The following DAB1 variants were observed in gnomAD, a reference collection of about 807,000 sequenced individuals.
DAB1 encodes the protein DAB adaptor protein 1.
DAB1 carries 15 observed loss-of-function variants against 64.6 expected under a neutral mutation model. The ratio of observed to expected loss-of-function variants is 0.23; its 90% CI spans 0.16 to 0.36. The LOEUF is 0.36. Among genes scored for constraint, DAB1 ranks in the 10% least tolerant of loss-of-function variants. DAB1 has a pLI of 1.00. For missense variants in DAB1, 596 were observed against 706.7 expected (o/e 0.84, Z 1.78); for synonymous variants, 235 against 251.9 (o/e 0.93, Z 0.64).
chr1:57,165,154 A>T (rs155287), intron 2 of DAB1, among the ~76,000 whole-genome samples: 3 of 152,012 alleles, frequency 2.0e-5, no homozygotes, highest in East Asian at 3.9e-4. Context: ...TTCATTCCCC[A>T]ACATGGCTTA....
intron 4 of DAB1, among the ~76,000 whole-genome samples, chr1:58,301,355 T>G (rs938130271): frequency 6.6e-6 from 1 of 152,128 alleles, no homozygotes; most frequent in African/African-American, 2.4e-5. Context: ...TCTGGGAGAA[T>G]CCATGAGACT....
rs189713521 is a variant in DAB1 at position 57,227,750 on chromosome 1, G to T, written c.67+63214C>A. Among the ~76,000 whole-genome samples, 935 of 152,152 alleles carry T rather than the reference G, an allele frequency of 6.1e-3. 4 individuals carry two copies. The highest frequency in any genetic ancestry group is 8.5e-3 in the Non-Finnish European group (577 of 68,014). Reference sequence around the variant, plus strand: ...TTTTGTATTTTTTTGTAGAGATGGGGTTTCACCATGTTGCCAGGCTGATCT... The same window carrying T: ...TTTTGTATTTTTTTGTAGAGATGGGTTTTCACCATGTTGCCAGGCTGATCT... On this transcript the variant is annotated intron_variant, in intron 2 of 14. Transcript: ENST00000371236.
In DAB1 at chr1:57,737,041, C is replaced by T. The variant is rs547620552; in HGVS notation, n.552-87376G>A. On this transcript the variant is annotated intron_variant and non_coding_transcript_variant, in intron 6 of 20. Coordinates refer to the DAB1 transcript ENST00000485760. ...GGAAGGAAATGGGAGGCGGGTTTTCCGAGCCAGGATAGAGCTGCAGCTGCA... is the reference window on the plus strand; with the variant it reads ...GGAAGGAAATGGGAGGCGGGTTTTCTGAGCCAGGATAGAGCTGCAGCTGCA... Among the ~76,000 whole-genome samples, 6 of 152,210 alleles carry T rather than the reference C, an allele frequency of 3.9e-5. No homozygotes were observed. In the East Asian group the frequency reaches 9.7e-4, roughly 25 times the overall value.
At chr1:58,313,238 C>A (rs1662470700) in intron 4 of DAB1, among the ~76,000 whole-genome samples, 1 of 152,144 alleles carries the variant, frequency 6.6e-6, no homozygotes, top group Non-Finnish European at 1.5e-5. Context: ...ACAGATGGCA[C>A]ATTTAATTAG....
In DAB1 at chr1:57,990,225, G is replaced by A. The variant is rs114020945; in HGVS notation, n.388-106063C>T. Among the ~76,000 whole-genome samples, 824 of 152,294 alleles carry A rather than the reference G, an allele frequency of 5.4e-3. 2 individuals are homozygous for A. Among genetic ancestry groups the A allele is most frequent in the African/African-American group, 0.013 (530 of 41,552 alleles). ...AAATAATGATGCTGCTGATGCAACA[G>A]CAGAACTTATTAAACACTTACTACT... On this transcript the variant is annotated intron_variant and non_coding_transcript_variant, in intron 5 of 20. Transcript: ENST00000485760.
intron 4 of DAB1, among the ~76,000 whole-genome samples, chr1:57,115,029 C>A (rs1252295464): frequency 6.6e-6 from 1 of 152,098 alleles, no homozygotes; most frequent in African/African-American, 2.4e-5. Flanking sequence ...GCATGGCCAA[C>A]ACCATCCTCA....
chr1:57,490,590 C>T (rs968206877), intron 7 of DAB1, among the ~76,000 whole-genome samples: 6 of 152,230 alleles, frequency 3.9e-5, no homozygotes, highest in Non-Finnish European at 7.3e-5. Flanking sequence ...CCTCATGCTA[C>T]GTAGTAGAAC....
intron 3 of DAB1, among the ~76,000 whole-genome samples, chr1:58,471,016 A>T (rs1645351629): frequency 6.6e-6 from 1 of 152,200 alleles, no homozygotes. Flanking sequence ...GGTTTTCTCA[A>T]TTATAAAATG....
At chr1:57,116,014 C>A (rs1172997808) in intron 4 of DAB1, among the ~76,000 whole-genome samples, 1 of 152,124 alleles carries the variant, frequency 6.6e-6, no homozygotes, top group African/African-American at 2.4e-5. Flanking sequence ...GGTTGCCAGT[C>A]CATCTGTCCC....
intron 1 of DAB1, among the ~76,000 whole-genome samples, chr1:58,535,843 T>C (rs1311006323): frequency 6.6e-6 from 1 of 152,046 alleles, no homozygotes; most frequent in African/African-American, 2.4e-5. Flanking sequence ...TCAAAAAATA[T>C]AATAAATTGC....
chr1:57,097,011 C>A (rs924161418), intron 4 of DAB1, among the ~76,000 whole-genome samples: 7 of 151,986 alleles, frequency 4.6e-5, no homozygotes, highest in Non-Finnish European at 8.8e-5. Context: ...GGTTATGGCC[C>A]CAAGAAGGCA....
chr1:57,652,467 C>G (rs924164570), intron 6 of DAB1, among the ~76,000 whole-genome samples: 1 of 152,166 alleles, frequency 6.6e-6, no homozygotes, highest in Non-Finnish European at 1.5e-5. Flanking sequence ...CTTCCGTTAG[C>G]TGGCTCTACG....
At chr1:57,661,529 C>CCTTA (rs1646386364) in intron 6 of DAB1, among the ~76,000 whole-genome samples, 1 of 152,064 alleles carries the variant, frequency 6.6e-6, no homozygotes, top group African/African-American at 2.4e-5. Context: ...CTTGTGCAGC[C>CCTTA]CTTAGCTTGT....
chr1:58,134,384 T>C (rs549599773), intron 5 of DAB1, among the ~76,000 whole-genome samples: 3 of 152,332 alleles, frequency 2.0e-5, no homozygotes, highest in South Asian at 2.1e-4. Flanking sequence ...AAAGAACCTT[T>C]GTCATCTAAT....
At chr1:57,183,441 C>T (rs145642731) in intron 2 of DAB1, among the ~76,000 whole-genome samples, 10 of 152,120 alleles carry the variant, frequency 6.6e-5, no homozygotes, top group Admixed American at 1.3e-4. Flanking sequence ...ACAGTTGCCA[C>T]GATTATGGGT....
chr1:58,114,532 C>T (rs1652201568), intron 5 of DAB1, among the ~76,000 whole-genome samples: 1 of 152,218 alleles, frequency 6.6e-6, no homozygotes, highest in Non-Finnish European at 1.5e-5. Context: ...CAAACTATGG[C>T]CCAGAGGCCA....
At chr1:58,506,270 A>G (rs2100417193) in intron 2 of DAB1, 2 of 764,544 alleles carry the variant, frequency 2.6e-6, no homozygotes, top group Middle Eastern at 2.6e-4. Flanking sequence ...TTTAAAAACT[A>G]CTACTTTATT....
chr1:57,394,658 A>G (rs1682660399), intron 1 of DAB1, among the ~76,000 whole-genome samples: 1 of 152,184 alleles, frequency 6.6e-6, no homozygotes, highest in African/African-American at 2.4e-5. Flanking sequence ...TGGGAACACA[A>G]TTTTAATAGG....
intron 1 of DAB1, among the ~76,000 whole-genome samples, chr1:57,330,973 C>T (rs1436117293): frequency 6.6e-6 from 1 of 152,146 alleles, no homozygotes; most frequent in Non-Finnish European, 1.5e-5. Context: ...AAATACCATC[C>T]TTCCTTCCCT....
Sources: allele counts gnomAD v4.1 joint callset (sites outside exome capture counted in the v4.1 genomes callset), GRCh38; gene constraint gnomAD v4.1.1; transcripts MANE v1.5; gene names NCBI Gene and HGNC (gene_info 2026-07-23, HGNC 2026-07-21).